MTARC2: variants seen among roughly 807,000 people sequenced by gnomAD.
MTARC2 encodes the protein mitochondrial amidoxime reducing component 2.
MTARC2 carries 27 observed loss-of-function variants against 35.6 expected under a neutral mutation model. The observed-to-expected ratio is 0.76, with a 90% confidence interval of 0.56 to 1.04. The LOEUF (loss-of-function observed/expected upper bound fraction) is 1.04. Among genes scored for constraint, MTARC2 ranks in the 50% least tolerant of loss-of-function variants. The pLI is 0.00. For missense variants in MTARC2, 412 were observed against 432.5 expected (o/e 0.95, Z 0.42); for synonymous variants, 158 against 167.1 (o/e 0.95, Z 0.42).
Position 220,748,501 on chromosome 1 carries a change from T to TGCGCCGGTCCGC in MTARC2, c.-28_-17dup. ...CGGTCTCCGGTCGCTGCCGGGTCTG[T>TGCGCCGGTCCGC]GCGCCGGTCCGCGCCCGCCCTCGCT... is the stretch of plus-strand genomic sequence containing the variant. On this transcript the variant is annotated 5_prime_UTR_variant, in exon 1 of 8. Transcript: ENST00000366913. The TGCGCCGGTCCGC allele has an allele frequency of 7.3e-7, 1 of 1,372,378 alleles. No individual in the cohort carries two copies. Among genetic ancestry groups the TGCGCCGGTCCGC allele is most frequent in the Non-Finnish European group, 9.3e-7 (1 of 1,074,040 alleles). 85.0% of individuals were successfully genotyped at this position (1,372,378 alleles called of 1,614,324 possible). A position where few individuals can be genotyped will look rare whatever the true frequency, so the allele number is the denominator to read the frequency against.
At chr1:220,774,092 G>A (rs547381653) in intron 4 of MTARC2, among the ~76,000 whole-genome samples, 18 of 151,090 alleles carry the variant, frequency 1.2e-4, no homozygotes, top group African/African-American at 3.9e-4. Flanking sequence ...TTCAGACAGG[G>A]TCTCACCCTG....
rs1261130666 is a variant in MTARC2, at chr1:220,761,697, T to C, written c.486T>C (p.Asn162=). The C allele has an allele frequency of 3.7e-6, 6 of 1,613,960 alleles. No individual in the cohort carries two copies. In the African/African-American group the frequency reaches 6.7e-5, roughly 18 times the overall value. ...ACATTAAAGGCAGAGACTGTGGCAA[T>C]GAGGCAGCTAAGTGGTTCACCAACT... The part of the protein sequence containing the change: ...GLDIKGRDCG[N]EAAKWFTNFL... The change falls in exon 3 of 8, where the codon AAT becomes AAC. Residue 162 remains asparagine, a synonymous_variant. Transcript: ENST00000366913.
At chr1:220,780,104 G>A (rs1450281036) in intron 5 of MTARC2, 25 bp downstream of exon 5, 1 of 1,601,318 alleles carries the variant, frequency 6.2e-7, no homozygotes, top group East Asian at 2.3e-5. Context: ...TAGACCCCAG[G>A]ACTGTGGTGT....
At chr1:220,754,486 G>A (rs1298071547) in intron 1 of MTARC2, 1 of 454,808 alleles carries the variant, frequency 2.2e-6, no homozygotes, top group Non-Finnish European at 4.4e-6. Context: ...CAGCAACATT[G>A]CAAGACCTTT....
chr1:220,758,046 G>A (rs887883031), intron 2 of MTARC2, among the ~76,000 whole-genome samples: 7 of 151,982 alleles, frequency 4.6e-5, no homozygotes, highest in South Asian at 4.2e-4. Flanking sequence ...GTGCAGTGGC[G>A]CGATCTCAAC....
In MTARC2 at chr1:220,781,837, T is replaced by C; in HGVS notation, c.944T>C (p.Ile315Thr). Residue 315 changes from isoleucine to threonine, a missense_variant, in exon 7 of 8, where the codon ATC becomes ACC. Physicochemically the swap from Ile to Thr is moderately conservative, Grantham distance 89 (BLOSUM62 -1). Coordinates refer to ENST00000366913, the MANE Select transcript of MTARC2 (RefSeq NM_017898.5). ...ELYKLSPLFG[I>T]YYSVEKIGSL... ...TACAAGTTGTCTCCACTTTTTGGGA[T>C]CTATTATTCAGTGGAAAAAATTGGA... The C allele has an allele frequency of 6.2e-7, 1 of 1,614,184 alleles. No homozygotes were observed. The highest frequency in any genetic ancestry group is 8.5e-7 in the Non-Finnish European group (1 of 1,180,002).
chr1:220,752,223 C>T (rs370332408), intron 1 of MTARC2, among the ~76,000 whole-genome samples: 24 of 152,254 alleles, frequency 1.6e-4, no homozygotes, highest in African/African-American at 5.8e-4. Flanking sequence ...GAAGATTCAG[C>T]CCATGGAGAA....
intron 4 of MTARC2, among the ~76,000 whole-genome samples, chr1:220,774,799 G>T (rs1671848624): frequency 6.6e-6 from 1 of 152,094 alleles, no homozygotes; most frequent in Non-Finnish European, 1.5e-5. Context: ...ACTCACCTTG[G>T]CCTCCATTCT....
chr1:220,765,755 A>AT (rs1572303803), intron 4 of MTARC2, among the ~76,000 whole-genome samples: 1 of 151,950 alleles, frequency 6.6e-6, no homozygotes, highest in East Asian at 1.9e-4. Flanking sequence ...TAATTTTTGT[A>AT]TTTTTTTGTA....
At chr1:220,781,550 G>A (rs1672070861) in intron 6 of MTARC2, among the ~76,000 whole-genome samples, 1 of 152,024 alleles carries the variant, frequency 6.6e-6, no homozygotes, top group South Asian at 2.1e-4. Context: ...TTTCTTTTTG[G>A]ACTTAAACTG....
intron 1 of MTARC2, among the ~76,000 whole-genome samples, chr1:220,752,000 C>T (rs891433004): frequency 6.6e-6 from 1 of 152,148 alleles, no homozygotes; most frequent in African/African-American, 2.4e-5. Flanking sequence ...ACCTTTTAAC[C>T]TGTGATTGCT....
chr1:220,780,373 C>A, intron 6 of MTARC2, 134 bp downstream of exon 6: 2 of 687,310 alleles, frequency 2.9e-6, no homozygotes, highest in Non-Finnish European at 4.8e-6. Flanking sequence ...TACCTTCTGA[C>A]TGATTCGCGT....
In MTARC2 at chr1:220,781,894, T is replaced by C; in HGVS notation, c.1001T>C (p.Met334Thr). ...AGAGTTGGTGACCCTGTGTATCGGATGGTGTAGTGATGAGTGATGGATCCA... is the reference window on the plus strand; with the variant it reads ...AGAGTTGGTGACCCTGTGTATCGGACGGTGTAGTGATGAGTGATGGATCCA... ...SLRVGDPVYR[M>T]V The change falls in exon 7 of 8, where the codon ATG (methionine) becomes ACG (threonine). Residue 334 changes from methionine (M) to threonine (T), a missense_variant. Coordinates refer to ENST00000366913, the MANE Select transcript of MTARC2 (RefSeq NM_017898.5). The C allele has an allele frequency of 6.2e-7, 1 of 1,614,176 alleles. No homozygotes were observed. The highest frequency in any genetic ancestry group is 8.5e-7 in the Non-Finnish European group (1 of 1,180,022).
intron 7 of MTARC2, among the ~76,000 whole-genome samples, chr1:220,783,025 A>G (rs193005846): frequency 1.4e-4 from 21 of 152,338 alleles, no homozygotes; most frequent in Admixed American, 1.2e-3. Flanking sequence ...TAAAGATGAC[A>G]CAGGCTTTGC....
In MTARC2 at chr1:220,763,067, T is replaced by A. The variant is rs780249694; in HGVS notation, c.750+17T>A. 11 of 1,614,042 alleles carry A rather than the reference T, an allele frequency of 6.8e-6. No homozygotes were observed. Among genetic ancestry groups the A allele is most frequent in the African/African-American group, 1.3e-5 (1 of 74,918 alleles). On this transcript the variant is annotated intron_variant, in intron 4 of 7. Transcript: ENST00000366913. ...TTTGAGGAGGTAAGCGACCCACTGC[T>A]TTTGTGCATCATGCTCAGATGTGCT...
chr1:220,763,019 T>C lies in MTARC2; in HGVS notation c.719T>C (p.Ile240Thr), dbSNP rs541434400. The part of the protein sequence containing the change: ...KMKMENFRPN[I>T]VVTGCDAFEE... ...AAAATGGAGAATTTCAGGCCAAATA[T>C]TGTGGTGACCGGCTGTGATGCTTTT... The change falls in exon 4 of 8, where the codon ATT becomes ACT. Residue 240 changes from isoleucine (I) to threonine (T), a missense_variant. Transcript: ENST00000366913. The C allele has an allele frequency of 9.9e-6, 16 of 1,614,126 alleles. No individual in the cohort carries two copies. The highest frequency in any genetic ancestry group is 1.3e-5 in the Non-Finnish European group (15 of 1,180,010).
At chr1:220,770,023 C>T (rs1053635945) in intron 4 of MTARC2, among the ~76,000 whole-genome samples, 22 of 150,538 alleles carry the variant, frequency 1.5e-4, no homozygotes, top group Non-Finnish European at 2.5e-4. Context: ...AGGAGAATGG[C>T]GTGAACCCGG....
chr1:220,774,943 C>CTGTGAG lies in MTARC2; in HGVS notation c.751-5075_751-5074insTGTGAG, dbSNP rs1279896618. On this transcript the variant is annotated intron_variant, in intron 4 of 7. Coordinates refer to ENST00000366913, the MANE Select transcript of MTARC2 (RefSeq NM_017898.5). ...CATGCAATTGTGTGTCTATATAGAC[C>CTGTGAG]CGTGTGTGTGCGTGTGTGTGTGTGT... Among the ~76,000 whole-genome samples the CTGTGAG allele has an allele frequency of 1.2e-4, 18 of 149,998 alleles. No individual in the cohort carries two copies. In the East Asian group the frequency reaches 1.7e-3, roughly 14 times the overall value.
chr1:220,774,753 C>T (rs142541470), intron 4 of MTARC2, among the ~76,000 whole-genome samples: 3,614 of 152,254 alleles, frequency 0.024, 108 homozygotes, highest in African/African-American at 0.064. Context: ...TCACTCTCAG[C>T]GGTCTTATAC....
Sources: allele counts gnomAD v4.1 joint callset (sites outside exome capture counted in the v4.1 genomes callset), GRCh38; gene constraint gnomAD v4.1.1; transcripts MANE v1.5; gene names NCBI Gene and HGNC (gene_info 2026-07-23, HGNC 2026-07-21).